The following CASZ1 variants were observed in gnomAD, a reference collection of about 807,000 sequenced individuals.
The protein encoded by CASZ1 is castor zinc finger 1, also known as zinc finger protein castor homolog 1.
CASZ1 carries 28 observed loss-of-function variants against 135.2 expected under a neutral mutation model. The ratio of observed to expected loss-of-function variants is 0.21; its 90% CI spans 0.15 to 0.28. The LOEUF is 0.28. Among genes scored for constraint, CASZ1 ranks in the 10% least tolerant of loss-of-function variants. The probability of loss-of-function intolerance (pLI) is 1.00; values close to 1 mark genes in which losing one functional copy is unlikely to be tolerated. For synonymous variants in CASZ1, 1,068 were observed against 1,073.4 expected (o/e 0.99, Z 0.10); for missense variants, 2,161 against 2,453.3 (o/e 0.88, Z 2.52).
intron 1 of CASZ1, among the ~76,000 whole-genome samples, chr1:10,781,297 G>C (rs1447032160): frequency 6.6e-6 from 1 of 152,242 alleles, no homozygotes; most frequent in African/African-American, 2.4e-5. Flanking sequence ...CCCTGGGTTT[G>C]TGCCTTCTTG....
chr1:10,714,045 A>G (rs1179797772), intron 2 of CASZ1, among the ~76,000 whole-genome samples: 1 of 152,174 alleles, frequency 6.6e-6, no homozygotes, highest in East Asian at 1.9e-4. Context: ...GGTGGCTCAC[A>G]CCTGTAATCC....
chr1:10,703,378 C>T (rs1639104000), intron 3 of CASZ1, among the ~76,000 whole-genome samples: 1 of 152,160 alleles, frequency 6.6e-6, no homozygotes, highest in Non-Finnish European at 1.5e-5. Context: ...TTCCCACCCA[C>T]CACCTATAGG....
rs1054594126 is a variant in CASZ1, at chr1:10,777,158, C to G, written c.-233-16301G>C. 6.6e-6 allele frequency among the ~76,000 whole-genome samples: 1 copy of G among 152,214 alleles called. No individual in the cohort carries two copies. The stretch of plus-strand genomic sequence containing the variant: ...CCCACCTGTAAACCAGGACAATAAC[C>G]TGTGAGCTGCCTTCTTCACAGGAAG... On this transcript the variant is annotated intron_variant, in intron 1 of 20. Coordinates refer to ENST00000377022, the MANE Select transcript of CASZ1 (RefSeq NM_001079843.3). The surrounding 1 kb of genome is among the most constrained non-coding windows in gnomAD (Gnocchi z 4.4).
intron 4 of CASZ1, among the ~76,000 whole-genome samples, chr1:10,667,109 A>AC (rs745335040): frequency 3.3e-5 from 5 of 152,120 alleles, no homozygotes; most frequent in Non-Finnish European, 7.4e-5. Context: ...ATGCCAGGAA[A>AC]CCCGATGAGA....
Position 10,768,505 on chromosome 1 carries a change from A to T in CASZ1, c.-233-7648T>A, listed in dbSNP as rs116808319. On this transcript the variant is annotated intron_variant, in intron 1 of 20. Coordinates refer to ENST00000377022, the MANE Select transcript of CASZ1 (RefSeq NM_001079843.3). Reference sequence around the variant, plus strand: ...AGTGCTGGAATTAGAGACATGAGCCACTGCACCTGGCCTATTGTTCATTTT... The same window carrying T: ...AGTGCTGGAATTAGAGACATGAGCCTCTGCACCTGGCCTATTGTTCATTTT... 7.8e-3 allele frequency among the ~76,000 whole-genome samples: 1,189 copies of T among 152,306 alleles called. 14 individuals are homozygous for T. The highest frequency in any genetic ancestry group is 0.025 in the African/African-American group (1,028 of 41,560).
chr1:10,662,138 TAC>T (rs1257855447), intron 5 of CASZ1, among the ~76,000 whole-genome samples: 4 of 148,650 alleles, frequency 2.7e-5, no homozygotes, highest in Non-Finnish European at 4.5e-5. Flanking sequence ...TGCATTCGCA[TAC>T]ACTCACACAC....
chr1:10,646,443 G>T lies in CASZ1; in HGVS notation c.3498-117C>A, dbSNP rs990147180. 8 of 933,598 alleles carry T rather than the reference G, an allele frequency of 8.6e-6. No homozygotes were observed. Among genetic ancestry groups the T allele is most frequent in the African/African-American group, 1.6e-5 (1 of 61,602 alleles). The allele number at this position is 933,598 out of a possible 1,614,324, so 57.8% of individuals were successfully genotyped here. On this transcript the variant is annotated intron_variant, in intron 16 of 20. Coordinates refer to ENST00000377022, the MANE Select transcript of CASZ1 (RefSeq NM_001079843.3). The surrounding 1 kb of genome is among the most constrained non-coding windows in gnomAD (Gnocchi z 6.4). ...CACGACCAGCGGTACCACCAAGAGG[G>T]ATGGCCTGGGCTGCTGTCCTGCTCA...
rs1640677709 is a variant in CASZ1, at chr1:10,777,243, C to T, written c.-233-16386G>A. ...TGAGCCCACCCGAGCCTCGGAAGCT[C>T]AGCTGGGAATCTGTTCCTGAGGACA... On this transcript the variant is annotated intron_variant, in intron 1 of 20. Transcript: ENST00000377022. The surrounding 1 kb of genome is among the most constrained non-coding windows in gnomAD (Gnocchi z 4.4). 6.6e-6 allele frequency among the ~76,000 whole-genome samples: 1 copy of T among 152,180 alleles called. No homozygotes were observed. The highest frequency in any genetic ancestry group is 6.5e-5 in the Admixed American group (1 of 15,278).
At chr1:10,743,901 G>C (rs1639986203) in intron 2 of CASZ1, among the ~76,000 whole-genome samples, 1 of 151,776 alleles carries the variant, frequency 6.6e-6, no homozygotes, top group African/African-American at 2.4e-5. Flanking sequence ...TGGGGCGGCG[G>C]GGGGAGGCAG....
chr1:10,673,138 T>G (rs1643461124), intron 4 of CASZ1, among the ~76,000 whole-genome samples: 1 of 151,656 alleles, frequency 6.6e-6, no homozygotes, highest in Admixed American at 6.6e-5. Context: ...GGGGACCGAG[T>G]GAAGGGGAGG....
intron 2 of CASZ1, among the ~76,000 whole-genome samples, chr1:10,729,096 A>C (rs1341192860): frequency 1.8e-5 from 1 of 54,924 alleles, no homozygotes. Context: ...GGGGAAGGGG[A>C]GTGGGGAGGA....
chr1:10,768,439 A>C (rs1640517824), intron 1 of CASZ1, among the ~76,000 whole-genome samples: 1 of 152,102 alleles, frequency 6.6e-6, no homozygotes, highest in Non-Finnish European at 1.5e-5. Context: ...GCTGGTCTCA[A>C]ACTCCTGACC....
intron 1 of CASZ1, among the ~76,000 whole-genome samples, chr1:10,783,019 T>C (rs1640789575): frequency 6.6e-6 from 1 of 152,128 alleles, no homozygotes. Flanking sequence ...CTCAATTGCC[T>C]TTTCACGGGG....
At chr1:10,642,830 CCTGCCAG>C (rs1557455895) in intron 20 of CASZ1, 22 bp downstream of exon 20, 1 of 1,607,680 alleles carries the variant, frequency 6.2e-7, no homozygotes, top group South Asian at 1.1e-5. Flanking sequence ...GGGGCCTGGC[CCTGCCAG>C]CAGCCCCTGC....
intron 20 of CASZ1, among the ~76,000 whole-genome samples, chr1:10,640,834 C>T (rs1324710821): frequency 6.6e-6 from 1 of 152,188 alleles, no homozygotes; most frequent in African/African-American, 2.4e-5. Context: ...AGACTGCTTC[C>T]TGGGATTTAG....
rs1640255117 is a variant in CASZ1 at position 10,756,304 on chromosome 1, C to A, written c.-77+4397G>T. Among the ~76,000 whole-genome samples the A allele has an allele frequency of 6.6e-6, 1 of 152,226 alleles. No homozygotes were observed. The highest frequency in any genetic ancestry group is 1.5e-5 in the Non-Finnish European group (1 of 68,038). On this transcript the variant is annotated intron_variant, in intron 2 of 20. Coordinates refer to ENST00000377022, the MANE Select transcript of CASZ1 (RefSeq NM_001079843.3). The surrounding 1 kb of genome is among the most constrained non-coding windows in gnomAD (Gnocchi z 5.9). ...CCACTTGGGACATCCCCGATGCACC[C>A]CCCACCCTCGCCCCCGCAAGACATC...
rs1423840940 is a variant in CASZ1 at position 10,653,769 on chromosome 1, C to G, written c.2288G>C (p.Ser763Thr). ...AATAATEAGPSATKPPNSKIS... is the reference protein window; with the variant it reads ...AATAATEAGPTATKPPNSKIS... ...CTTGCTGTTGGGAGGTTTGGTGGCA[C>G]TGGGCCCAGCCTCGGTGGCGGCAGT... is the stretch of plus-strand genomic sequence containing the variant. Residue 763 changes from serine (S) to threonine (T), a missense_variant, in exon 11 of 21, where the codon AGT becomes ACT. This residue lies in a region of CASZ1 where 406 missense variants were observed against 387.6 expected (regional missense o/e 1.05). Transcript: ENST00000377022. 1 of 1,610,888 alleles carries G rather than the reference C, an allele frequency of 6.2e-7. No individual in the cohort carries two copies. The highest frequency in any genetic ancestry group is 1.3e-5 in the African/African-American group (1 of 74,888).
At chr1:10,645,479 G>A (rs930713648) in intron 17 of CASZ1, among the ~76,000 whole-genome samples, 3 of 152,172 alleles carry the variant, frequency 2.0e-5, no homozygotes, top group African/African-American at 4.8e-5. Flanking sequence ...GCAGTGAGCC[G>A]AGATCGTGCC....
chr1:10,710,605 C>T (rs1351816949), intron 2 of CASZ1, among the ~76,000 whole-genome samples: 1 of 152,244 alleles, frequency 6.6e-6, no homozygotes, highest in Non-Finnish European at 1.5e-5. Context: ...GTGCCCACTC[C>T]AGTCTCTGCC....
Sources: allele counts gnomAD v4.1 joint callset (sites outside exome capture counted in the v4.1 genomes callset), GRCh38; gene constraint gnomAD v4.1.1; regional missense constraint gnomAD v4.1.1; non-coding constraint Gnocchi (gnomAD v3.1); transcripts MANE v1.5; gene names NCBI Gene and HGNC (gene_info 2026-07-23, HGNC 2026-07-21).